GALNTL6: variants seen among roughly 807,000 people sequenced by gnomAD.
The protein encoded by GALNTL6 is polypeptide N-acetylgalactosaminyltransferase-like 6.
Under a neutral mutation model 73.7 loss-of-function variants are expected in GALNTL6, and 46 were observed. The observed-to-expected ratio is 0.62, with a 90% CI of 0.49 to 0.80. The LOEUF (loss-of-function observed/expected upper bound fraction) is 0.80, where lower values mean the gene tolerates loss of function less well. Among genes scored for constraint, GALNTL6 ranks in the 30% least tolerant of loss-of-function variants. GALNTL6 has a pLI of 0.00. For synonymous variants in GALNTL6, 259 were observed against 263.7 expected, an observed-to-expected ratio of 0.98 and a Z score of 0.17; for missense variants, 604 against 755.0, an observed-to-expected ratio of 0.80 and a Z score of 2.34.
chr4:171,918,107 C>G (rs935327533), intron 2 of GALNTL6, among the ~76,000 whole-genome samples: 2 of 152,044 alleles, frequency 1.3e-5, no homozygotes, highest in African/African-American at 4.8e-5. Context: ...TGCATATCTT[C>G]GTTTTGTTGT....
chr4:172,469,727 A>G (rs909723925), intron 5 of GALNTL6, among the ~76,000 whole-genome samples: 3 of 152,216 alleles, frequency 2.0e-5, no homozygotes, highest in Non-Finnish European at 4.4e-5. Context: ...TTTAAAGGAC[A>G]CACTGAATAT....
chr4:172,621,614 T>TA (rs1459627123), intron 5 of GALNTL6, among the ~76,000 whole-genome samples: 2 of 152,230 alleles, frequency 1.3e-5, no homozygotes, highest in Non-Finnish European at 2.9e-5. Context: ...TTGTTTGTAA[T>TA]ACAGTTTTAA....
intron 2 of GALNTL6, among the ~76,000 whole-genome samples, chr4:171,998,729 C>A (rs1360729323): frequency 2.0e-5 from 3 of 152,064 alleles, no homozygotes; most frequent in Admixed American, 2.0e-4. Flanking sequence ...CGCTTTTAAC[C>A]ACAAGTTAGA....
intron 5 of GALNTL6, among the ~76,000 whole-genome samples, chr4:172,693,699 G>A (rs1233460124): frequency 6.6e-6 from 1 of 152,110 alleles, no homozygotes; most frequent in Non-Finnish European, 1.5e-5. Flanking sequence ...CAAAACAGCT[G>A]ATTCTCTGCC....
intron 2 of GALNTL6, among the ~76,000 whole-genome samples, chr4:171,854,326 G>A (rs1735619525): frequency 2.6e-5 from 4 of 152,138 alleles, no homozygotes; most frequent in Admixed American, 2.6e-4. Context: ...GGACTTCCCA[G>A]GTTGCCTCAA....
Position 172,672,541 on chromosome 4 carries a change from A to G in GALNTL6, c.554-136820A>G, listed in dbSNP as rs57907651. Among the ~76,000 whole-genome samples the G allele has an allele frequency of 3.2e-3, 482 of 152,340 alleles. 4 individuals carry two copies. The highest frequency in any genetic ancestry group is 0.011 in the African/African-American group (459 of 41,588). On this transcript the variant is annotated intron_variant, in intron 5 of 12. Coordinates refer to ENST00000506823, the MANE Select transcript of GALNTL6 (RefSeq NM_001034845.3). ...GATGCTGGCCTCATAGAATGAGTTA[A>G]GAGGCGTTCCTCCTCCTCAATTTTT...
intron 5 of GALNTL6, among the ~76,000 whole-genome samples, chr4:172,622,517 A>G (rs890570461): frequency 3.3e-5 from 5 of 152,222 alleles, no homozygotes; most frequent in African/African-American, 7.2e-5. Flanking sequence ...CTTAAAATCT[A>G]TATCAATTAT....
chr4:172,812,662 G>A (rs1052560182), intron 6 of GALNTL6, among the ~76,000 whole-genome samples: 1 of 151,562 alleles, frequency 6.6e-6, no homozygotes, highest in Non-Finnish European at 1.5e-5. Context: ...TGGAACACTC[G>A]AAAGGTCAGG....
At position 172,138,513 on chromosome 4, in the gene GALNTL6, A is replaced by AT. The variant is rs1169097172; in HGVS notation, c.139-91109dup. 3.9e-4 allele frequency among the ~76,000 whole-genome samples: 3 copies of AT among 7,790 alleles called. 1 individual carries two copies. Among genetic ancestry groups the AT allele is most frequent in the African/African-American group, 4.6e-4 (1 of 2,158 alleles). 5.1% of individuals were successfully genotyped at this position (7,790 alleles called of 152,430 possible). ...TATATATATATATATATATATATAT[A>AT]TTTTTTTTTTTTTTTTTTTTTTTTT... On this transcript the variant is annotated intron_variant, in intron 2 of 12. Coordinates refer to ENST00000506823, the MANE Select transcript of GALNTL6 (RefSeq NM_001034845.3).
At chr4:172,458,122 T>A (rs1732468431) in intron 5 of GALNTL6, among the ~76,000 whole-genome samples, 1 of 151,980 alleles carries the variant, frequency 6.6e-6, no homozygotes, top group South Asian at 2.1e-4. Flanking sequence ...GAATGACTAC[T>A]GGGTAAATAA....
chr4:172,745,691 C>G (rs1248922114), intron 5 of GALNTL6, among the ~76,000 whole-genome samples: 1 of 151,798 alleles, frequency 6.6e-6, no homozygotes, highest in Non-Finnish European at 1.5e-5. Flanking sequence ...GAGATAGATT[C>G]AAAATTAAAG....
intron 5 of GALNTL6, among the ~76,000 whole-genome samples, chr4:172,639,205 G>A (rs192265578): frequency 8.5e-5 from 13 of 152,138 alleles, no homozygotes; most frequent in Admixed American, 4.6e-4. Flanking sequence ...AGCATTCATC[G>A]ATGATTCTTG....
chr4:172,439,103 T>G (rs1731738720), intron 5 of GALNTL6, among the ~76,000 whole-genome samples: 1 of 151,846 alleles, frequency 6.6e-6, no homozygotes. Flanking sequence ...CATGCTTTTA[T>G]AATTCCTAAT....
At chr4:172,921,704 A>G (rs1273427394) in intron 8 of GALNTL6, among the ~76,000 whole-genome samples, 1 of 151,420 alleles carries the variant, frequency 6.6e-6, no homozygotes, top group Non-Finnish European at 1.5e-5. Context: ...CTGAGGCAGG[A>G]GAATCACTTT....
At chr4:172,593,096 T>C (rs145726159) in intron 5 of GALNTL6, among the ~76,000 whole-genome samples, 215 of 152,274 alleles carry the variant, frequency 1.4e-3, no homozygotes, top group Middle Eastern at 6.8e-3. Flanking sequence ...CTGTTTATAT[T>C]CTAAAAAACA....
At chr4:171,940,234 CAAAAG>C (rs1195328694) in intron 2 of GALNTL6, among the ~76,000 whole-genome samples, 1 of 151,630 alleles carries the variant, frequency 6.6e-6, no homozygotes, top group East Asian at 1.9e-4. Context: ...TCAGAAAATA[CAAAAG>C]AAAAGGAGGG....
chr4:171,966,482 T>C (rs956079742), intron 2 of GALNTL6, among the ~76,000 whole-genome samples: 6 of 152,160 alleles, frequency 3.9e-5, no homozygotes, highest in African/African-American at 9.7e-5. Context: ...CATATTTGCC[T>C]GATTGGATAA....
chr4:173,035,309 G>C (rs1006252100), intron 12 of GALNTL6, among the ~76,000 whole-genome samples: 1 of 151,994 alleles, frequency 6.6e-6, no homozygotes, highest in Non-Finnish European at 1.5e-5. Context: ...CTCCCGAGTA[G>C]TTGGGATTAC....
chr4:172,076,708 A>G (rs1487564427), intron 2 of GALNTL6, among the ~76,000 whole-genome samples: 2 of 152,204 alleles, frequency 1.3e-5, no homozygotes, highest in African/African-American at 4.8e-5. Context: ...GTCCCATTTA[A>G]GTAAAGCTCA....
Sources: gnomAD v4.1 joint callset for allele counts (sites outside exome capture counted in the v4.1 genomes callset) on GRCh38, gnomAD v4.1.1 for gene constraint, MANE v1.5 for transcripts, NCBI Gene and HGNC (gene_info 2026-07-23, HGNC 2026-07-21) for gene names.